CADM1: variants seen among roughly 807,000 people sequenced by gnomAD.
The protein encoded by CADM1 is cell adhesion molecule 1.
CADM1 carries 15 observed loss-of-function variants against 53.1 expected under a neutral mutation model. That is an observed-to-expected ratio of 0.28 (90% CI 0.19 to 0.44). CADM1 has a LOEUF of 0.44. CADM1 is among the 20% of genes least tolerant of loss of function. CADM1 has a pLI of 1.00. For missense variants in CADM1, 434 were observed against 611.3 expected, an observed-to-expected ratio of 0.71 and a Z score of 3.06; for synonymous variants, 281 against 243.0, an observed-to-expected ratio of 1.16 and a Z score of -1.45.
chr11:115,341,598 A>T (rs1437231016), intron 1 of CADM1, among the ~76,000 whole-genome samples: 1 of 152,198 alleles, frequency 6.6e-6, no homozygotes, highest in Non-Finnish European at 1.5e-5. Flanking sequence ...AGGAGATAAA[A>T]CATTAATCTA....
chr11:115,389,279 C>G (rs1946775647), intron 1 of CADM1, among the ~76,000 whole-genome samples: 1 of 152,058 alleles, frequency 6.6e-6, no homozygotes. Flanking sequence ...GAAACGATTT[C>G]CAAATAAAAA....
intron 1 of CADM1, among the ~76,000 whole-genome samples, chr11:115,338,172 C>T (rs527887435): frequency 6.6e-6 from 1 of 152,208 alleles, no homozygotes; most frequent in East Asian, 1.9e-4. Context: ...AACACATGTA[C>T]GGTGTTACTA....
intron 1 of CADM1, among the ~76,000 whole-genome samples, chr11:115,453,700 T>G (rs545360427): frequency 2.0e-5 from 3 of 152,272 alleles, no homozygotes; most frequent in African/African-American, 7.2e-5. Flanking sequence ...GGTTTTACCA[T>G]GTTGGCCAGG....
chr11:115,332,981 A>G (rs1312071263), intron 1 of CADM1, among the ~76,000 whole-genome samples: 1 of 152,002 alleles, frequency 6.6e-6, no homozygotes, highest in Admixed American at 6.6e-5. Flanking sequence ...TTCTCACTCT[A>G]TACACCCTGT....
chr11:115,405,732 A>T (rs2135230731), intron 1 of CADM1, among the ~76,000 whole-genome samples: 1 of 152,340 alleles, frequency 6.6e-6, no homozygotes, highest in East Asian at 1.9e-4. Flanking sequence ...CAACAGCATA[A>T]CAGCATTTAT....
intron 1 of CADM1, among the ~76,000 whole-genome samples, chr11:115,485,266 C>T (rs1239661625): frequency 6.6e-6 from 1 of 152,216 alleles, no homozygotes; most frequent in South Asian, 2.1e-4. Flanking sequence ...GTTACCAACA[C>T]ACCTTCCTTA....
chr11:115,329,096 T>C (rs1029781452), intron 1 of CADM1, among the ~76,000 whole-genome samples: 1 of 152,094 alleles, frequency 6.6e-6, no homozygotes, highest in Non-Finnish European at 1.5e-5. Context: ...AAGATCATTT[T>C]AGTCTCTCTT....
chr11:115,215,667 C>T (rs1043623885), intron 6 of CADM1, among the ~76,000 whole-genome samples: 2 of 152,212 alleles, frequency 1.3e-5, no homozygotes, highest in South Asian at 2.1e-4. Flanking sequence ...TCATAAGATT[C>T]GCCAAAGCTA....
chr11:115,282,817 A>G (rs1943623754), intron 1 of CADM1, among the ~76,000 whole-genome samples: 1 of 152,212 alleles, frequency 6.6e-6, no homozygotes, highest in Non-Finnish European at 1.5e-5. Flanking sequence ...TTTACAGGGG[A>G]TGGAAGAGGT....
chr11:115,360,662 A>C (rs532284918), intron 1 of CADM1, among the ~76,000 whole-genome samples: 1 of 152,234 alleles, frequency 6.6e-6, no homozygotes, highest in Admixed American at 6.5e-5. Flanking sequence ...CACAGAAAGG[A>C]AACTGTACTT....
At chr11:115,373,774 T>C (rs958529943) in intron 1 of CADM1, among the ~76,000 whole-genome samples, 3 of 152,034 alleles carry the variant, frequency 2.0e-5, no homozygotes, top group Non-Finnish European at 2.9e-5. Context: ...GTGGAAATTG[T>C]TAAAAATGCA....
At chr11:115,468,962 T>C (rs1948952263) in intron 1 of CADM1, among the ~76,000 whole-genome samples, 1 of 152,076 alleles carries the variant, frequency 6.6e-6, no homozygotes, top group South Asian at 2.1e-4. Flanking sequence ...CCATCAGATG[T>C]CATGAGATTT....
At chr11:115,468,089 G>A (rs1407865094) in intron 1 of CADM1, among the ~76,000 whole-genome samples, 1 of 152,154 alleles carries the variant, frequency 6.6e-6, no homozygotes, top group Non-Finnish European at 1.5e-5. Context: ...TCTGTATCTG[G>A]TATCTACAAG....
rs138961981 is a variant in CADM1, at chr11:115,393,314, G to C, written c.124+110957C>G. ...TTTTTCTCTGAGTGGTAGGATTATA[G>C]CTGAATTTTATCCTCTAAACTATAC... On this transcript the variant is annotated intron_variant, in intron 1 of 11. Coordinates refer to ENST00000331581, the MANE Select transcript of CADM1 (RefSeq NM_001301043.2). 4.9e-3 allele frequency among the ~76,000 whole-genome samples: 746 copies of C among 151,534 alleles called. 8 individuals are homozygous for C. The highest frequency in any genetic ancestry group is 0.017 in the African/African-American group (714 of 41,458).
intron 5 of CADM1, among the ~76,000 whole-genome samples, chr11:115,227,341 A>G (rs1362896177): frequency 6.6e-6 from 1 of 152,202 alleles, no homozygotes; most frequent in East Asian, 1.9e-4. Context: ...TAGGAGGTGT[A>G]GCGCTTGAAA....
At chr11:115,375,058 A>C (rs1170020616) in intron 1 of CADM1, among the ~76,000 whole-genome samples, 1 of 152,232 alleles carries the variant, frequency 6.6e-6, no homozygotes, top group East Asian at 1.9e-4. Flanking sequence ...TCTTTTAGAG[A>C]TACATACTGA....
chr11:115,259,987 G>T (rs1252729627), intron 1 of CADM1, among the ~76,000 whole-genome samples: 1 of 152,166 alleles, frequency 6.6e-6, no homozygotes, highest in Admixed American at 6.5e-5. Flanking sequence ...GTGCAGAGGT[G>T]CTATCATAGC....
intron 1 of CADM1, among the ~76,000 whole-genome samples, chr11:115,475,230 TA>T (rs1163779195): frequency 2.6e-5 from 4 of 152,204 alleles, no homozygotes; most frequent in African/African-American, 7.2e-5. Context: ...TGTTATACTA[TA>T]TTTTTTATTT....
At position 115,363,806 on chromosome 11, in the gene CADM1, G is replaced by A. The variant is rs183228227; in HGVS notation, c.125-123386C>T. ...AGTCATGCACCACATAACAACTTTC[G>A]GTCAACAATGTACAGCTTATACAAC... On this transcript the variant is annotated intron_variant, in intron 1 of 11. Coordinates refer to ENST00000331581, the MANE Select transcript of CADM1 (RefSeq NM_001301043.2). 7.2e-5 allele frequency: 11 copies of A among 152,096 alleles called. 1 individual carries two copies. The highest frequency in any genetic ancestry group is 4.6e-4 in the Admixed American group (7 of 15,264). The allele number at this position is 152,096 out of a possible 1,614,324, so 9.4% of individuals were successfully genotyped here. A position where few individuals can be genotyped will look rare whatever the true frequency, so the allele number is the denominator to read the frequency against.
Sources: allele counts gnomAD v4.1 joint callset (sites outside exome capture counted in the v4.1 genomes callset), GRCh38; gene constraint gnomAD v4.1.1; transcripts MANE v1.5; gene names NCBI Gene and HGNC (gene_info 2026-07-23, HGNC 2026-07-21).